Variants in NBEAL1 observed in about 807,000 individuals in gnomAD.
NBEAL1 encodes neurobeachin like 1.
NBEAL1 carries 273 observed loss-of-function variants against 351.3 expected under a neutral mutation model. The observed-to-expected ratio is 0.78, with a 90% confidence interval of 0.70 to 0.86. The LOEUF (loss-of-function observed/expected upper bound fraction) is 0.86, where lower values mean the gene tolerates loss of function less well. NBEAL1 is among the 40% of genes least tolerant of loss of function. The pLI, the probability that NBEAL1 is intolerant of heterozygous loss-of-function variation, is 0.00. For missense variants in NBEAL1, 2,961 were observed against 3,201.3 expected (o/e 0.92, Z 1.81); for synonymous variants, 1,050 against 1,086.4 (o/e 0.97, Z 0.66).
chr2:203,028,278 A>C (rs1289760402), intron 2 of NBEAL1, among the ~76,000 whole-genome samples: 1 of 151,886 alleles, frequency 6.6e-6, no homozygotes, highest in Non-Finnish European at 1.5e-5. Context: ...CGGCCTCCCA[A>C]AATGGTGGAA....
At chr2:203,210,916 G>A in intron 53 of NBEAL1, 42 bp from the exon 54 acceptor site, 1 of 1,313,558 alleles carries the variant, frequency 7.6e-7, no homozygotes, top group Non-Finnish European at 1.0e-6. Flanking sequence ...TAAAAACTCA[G>A]TTTTTATTTG....
chr2:203,173,751 A>G (rs1489299154), intron 41 of NBEAL1, among the ~76,000 whole-genome samples: 1 of 152,060 alleles, frequency 6.6e-6, no homozygotes, highest in Non-Finnish European at 1.5e-5. Context: ...AACTTATTTT[A>G]TTGGTAATTA....
At chr2:203,117,576 CTTTT>C (rs534211325) in intron 18 of NBEAL1, among the ~76,000 whole-genome samples, 2 of 152,202 alleles carry the variant, frequency 1.3e-5, no homozygotes, top group Admixed American at 1.3e-4. Context: ...CCTCCCAGTT[CTTTT>C]GTTTCTCCCA....
intron 25 of NBEAL1, 92 bp from the exon 26 acceptor site, chr2:203,131,881 A>G (rs1311145204): frequency 1.2e-6 from 1 of 869,270 alleles, no homozygotes; most frequent in Admixed American, 3.4e-5. Context: ...ACTAACATTA[A>G]TATTTAATGT....
At chr2:203,031,739 AT>A (rs1211738343) in intron 2 of NBEAL1, among the ~76,000 whole-genome samples, 5 of 152,366 alleles carry the variant, frequency 3.3e-5, no homozygotes, top group African/African-American at 1.2e-4. Context: ...ATAAAAGTAC[AT>A]TTTAGAACTT....
chr2:203,202,175 T>C (rs2065418795), intron 50 of NBEAL1, among the ~76,000 whole-genome samples: 2 of 152,132 alleles, frequency 1.3e-5, no homozygotes, highest in African/African-American at 4.8e-5. Flanking sequence ...ATAAACCTGT[T>C]AGGGAAGGAA....
chr2:203,156,554 CCT>C (rs564982267), intron 35 of NBEAL1, among the ~76,000 whole-genome samples: 2 of 152,138 alleles, frequency 1.3e-5, no homozygotes, highest in Non-Finnish European at 2.9e-5. Context: ...ATAAATTAGA[CCT>C]CATGAAAAAA....
chr2:203,094,727 A>G (rs1426344771), intron 10 of NBEAL1, among the ~76,000 whole-genome samples: 1 of 152,212 alleles, frequency 6.6e-6, no homozygotes, highest in Non-Finnish European at 1.5e-5. Flanking sequence ...GATAGATATG[A>G]TGAACCTTAA....
intron 34 of NBEAL1, 150 bp downstream of exon 34, chr2:203,149,298 T>C: frequency 1.7e-6 from 1 of 576,846 alleles, no homozygotes; most frequent in Non-Finnish European, 3.0e-6. Flanking sequence ...TTCCATGAAT[T>C]ATAGGTCTGG....
chr2:203,206,198 G>A (rs1157287359), intron 51 of NBEAL1, among the ~76,000 whole-genome samples: 1 of 152,152 alleles, frequency 6.6e-6, no homozygotes, highest in Non-Finnish European at 1.5e-5. Flanking sequence ...AGAAGAAAAC[G>A]AAGGTTGCAG....
At position 203,108,184 on chromosome 2, in the gene NBEAL1, T is replaced by C; in HGVS notation, c.1945T>C (p.Tyr649His). The change falls in exon 14 of 56, where the codon TAC (tyrosine) becomes CAC (histidine). Residue 649 changes from tyrosine to histidine, a missense_variant. Physicochemically the swap from Tyr to His is moderately conservative, Grantham distance 83 (BLOSUM62 2). Transcript: ENST00000683969. ...ANKGGKRKQL[Y>H]SFFTGSGMGF... ...CAAAGGAGGGAAAAGGAAACAATTG[T>C]ACAGGTATTGGTAAAAATTATGGAA... 6.5e-7 allele frequency: 1 copy of C among 1,542,520 alleles called. No individual in the cohort carries two copies. The highest frequency in any genetic ancestry group is 8.8e-7 in the Non-Finnish European group (1 of 1,140,566).
chr2:203,064,522 C>G (rs754623226), intron 6 of NBEAL1, among the ~76,000 whole-genome samples: 3 of 152,112 alleles, frequency 2.0e-5, no homozygotes, highest in African/African-American at 4.8e-5. Flanking sequence ...TGTGATAACC[C>G]TAAGAAGGAC....
intron 35 of NBEAL1, among the ~76,000 whole-genome samples, chr2:203,154,235 CAA>C (rs568311684): frequency 2.4e-4 from 17 of 70,042 alleles, no homozygotes; most frequent in Admixed American, 3.5e-4. Flanking sequence ...GACCCCGTCT[CAA>C]AAAAAAAAAA....
At chr2:203,073,761 A>G (rs2061720356) in intron 7 of NBEAL1, among the ~76,000 whole-genome samples, 1 of 152,106 alleles carries the variant, frequency 6.6e-6, no homozygotes, top group Non-Finnish European at 1.5e-5. Context: ...CTTTAATATT[A>G]ACTTCCTCTT....
intron 38 of NBEAL1, among the ~76,000 whole-genome samples, chr2:203,168,254 A>G (rs1406598711): frequency 6.6e-6 from 1 of 152,248 alleles, no homozygotes; most frequent in East Asian, 1.9e-4. Context: ...GTACATTTCT[A>G]TAAAGTAGCT....
intron 54 of NBEAL1, 80 bp from the exon 55 acceptor site, chr2:203,213,438 A>G (rs2065841870): frequency 7.6e-7 from 1 of 1,321,286 alleles, no homozygotes; most frequent in Non-Finnish European, 1.1e-6. Flanking sequence ...ATGAGCATTA[A>G]TTTATTTTCC....
intron 12 of NBEAL1, among the ~76,000 whole-genome samples, chr2:203,107,014 T>TG (rs2062454516): frequency 6.6e-6 from 1 of 152,178 alleles, no homozygotes; most frequent in Non-Finnish European, 1.5e-5. Context: ...AATTGGGTCT[T>TG]TTTAGGCTGA....
chr2:203,179,075 G>A (rs1336787640), intron 42 of NBEAL1, among the ~76,000 whole-genome samples: 1 of 152,152 alleles, frequency 6.6e-6, no homozygotes, highest in Non-Finnish European at 1.5e-5. Flanking sequence ...TTAAATAGGT[G>A]TAAAACACAA....
chr2:203,176,080 T>A (rs2064489784), intron 42 of NBEAL1, among the ~76,000 whole-genome samples: 1 of 152,144 alleles, frequency 6.6e-6, no homozygotes, highest in Admixed American at 6.6e-5. Context: ...ACCTTTGAAG[T>A]ATTATATAGT....
Sources: gnomAD v4.1 joint callset for allele counts (sites outside exome capture counted in the v4.1 genomes callset) on GRCh38, gnomAD v4.1.1 for gene constraint, MANE v1.5 for transcripts, NCBI Gene and HGNC (gene_info 2026-07-23, HGNC 2026-07-21) for gene names.